The following RPSA2 variants were observed in gnomAD, a reference collection of about 807,000 sequenced individuals.
The protein encoded by RPSA2 is ribosomal protein SA 2, also known as small ribosomal subunit protein uS2B.
chr19:23,847,812 C>G, the RPSA2 span, among the ~76,000 whole-genome samples: 1 of 152,080 alleles, frequency 6.6e-6, no homozygotes, highest in Non-Finnish European at 1.5e-5. Flanking sequence ...TAGACCTCCC[C>G]CCAGGAATGC....
chr19:23,820,230 G>A, the RPSA2 span, among the ~76,000 whole-genome samples: 2 of 152,276 alleles, frequency 1.3e-5, no homozygotes, highest in Admixed American at 1.3e-4. Flanking sequence ...AATGGCTCAT[G>A]TGATGGCAGT....
the RPSA2 span, chr19:23,827,620 T>G: frequency 2.8e-4 from 452 of 1,593,498 alleles, 3 homozygotes; most frequent in East Asian, 9.3e-3. Flanking sequence ...CAGATTCTCC[T>G]CTGCGCTATG....
At chr19:23,860,979 C>G in the RPSA2 span, among the ~76,000 whole-genome samples, 1 of 151,020 alleles carries the variant, frequency 6.6e-6, no homozygotes, top group Non-Finnish European at 1.5e-5. Flanking sequence ...GAAGATCTTC[C>G]TCTCACTGTC....
chr19:23,833,606 A>G, the RPSA2 span, among the ~76,000 whole-genome samples: 5 of 152,130 alleles, frequency 3.3e-5, no homozygotes, highest in Non-Finnish European at 7.4e-5. Flanking sequence ...ATTGCACAGG[A>G]AAGCATTTAT....
the RPSA2 span, among the ~76,000 whole-genome samples, chr19:23,835,351 T>A: frequency 1.8e-4 from 21 of 118,718 alleles, no homozygotes; most frequent in African/African-American, 4.9e-4. Context: ...AGTAAGTCTG[T>A]TTGTGTGAGT....
chr19:23,856,699 A>C, the RPSA2 span, among the ~76,000 whole-genome samples: 1 of 152,250 alleles, frequency 6.6e-6, no homozygotes, highest in Non-Finnish European at 1.5e-5. Flanking sequence ...CTGAGAAATA[A>C]AGAGTACAAA....
chr19:23,840,643 A>AT, the RPSA2 span, among the ~76,000 whole-genome samples: 1 of 152,164 alleles, frequency 6.6e-6, no homozygotes, highest in Non-Finnish European at 1.5e-5. Context: ...AAGAGAGAGT[A>AT]TTTAGATACA....
chr19:23,763,546 G>C, the RPSA2 span, among the ~76,000 whole-genome samples: 6 of 152,166 alleles, frequency 3.9e-5, no homozygotes, highest in African/African-American at 1.4e-4. Flanking sequence ...CGTGTTCACG[G>C]CAACCTCCGC....
At chr19:23,869,066 C>A in the RPSA2 span, among the ~76,000 whole-genome samples, 1 of 152,180 alleles carries the variant, frequency 6.6e-6, no homozygotes, top group Non-Finnish European at 1.5e-5. Flanking sequence ...TTTTCCCTTG[C>A]AGAGTCAAAA....
At chr19:23,823,240 A>G in the RPSA2 span, among the ~76,000 whole-genome samples, 1 of 151,798 alleles carries the variant, frequency 6.6e-6, no homozygotes, top group South Asian at 2.1e-4. Flanking sequence ...GGTTTTGGTG[A>G]CTTCCCTCCC....
chr19:23,832,221 CA>C, the RPSA2 span: 4 of 438,790 alleles, frequency 9.1e-6, no homozygotes, highest in East Asian at 6.5e-5. Context: ...AGAAACTCTA[CA>C]AATGTGAAGA....
At chr19:23,800,175 C>T in the RPSA2 span, among the ~76,000 whole-genome samples, 1 of 150,438 alleles carries the variant, frequency 6.6e-6, no homozygotes, top group African/African-American at 2.4e-5. Context: ...ATTACAGGCA[C>T]ATGCCACTAT....
chr19:23,861,636 C>A, the RPSA2 span, among the ~76,000 whole-genome samples: 3 of 152,224 alleles, frequency 2.0e-5, no homozygotes, highest in Non-Finnish European at 4.4e-5. Context: ...TAAGGGCAAA[C>A]AAATCCCCGT....
the RPSA2 span, among the ~76,000 whole-genome samples, chr19:23,860,012 G>T: frequency 6.6e-6 from 1 of 152,124 alleles, no homozygotes; most frequent in Non-Finnish European, 1.5e-5. Flanking sequence ...AAGGGAAAAT[G>T]TATTCTATCA....
At chr19:23,833,924 T>C in the RPSA2 span, among the ~76,000 whole-genome samples, 1 of 152,044 alleles carries the variant, frequency 6.6e-6, no homozygotes, top group African/African-American at 2.4e-5. Flanking sequence ...GAGTTTATAT[T>C]GAAGAAAACC....
At chr19:23,774,962 T>C in the RPSA2 span, among the ~76,000 whole-genome samples, 1 of 152,174 alleles carries the variant, frequency 6.6e-6, no homozygotes, top group African/African-American at 2.4e-5. Flanking sequence ...GACATATACC[T>C]TTGTTCAGAT....
chr19:23,840,669 A>G, the RPSA2 span, among the ~76,000 whole-genome samples: 1 of 152,164 alleles, frequency 6.6e-6, no homozygotes, highest in African/African-American at 2.4e-5. Context: ...AGAAATTACA[A>G]AACATGCGCT....
chr19:23,854,821 G>A, the RPSA2 span, among the ~76,000 whole-genome samples: 1 of 152,090 alleles, frequency 6.6e-6, no homozygotes, highest in African/African-American at 2.4e-5. Context: ...TAGCTTTGTG[G>A]GTCTCTGATC....
chr19:23,792,960 G>A, the RPSA2 span, among the ~76,000 whole-genome samples: 2 of 152,142 alleles, frequency 1.3e-5, no homozygotes, highest in African/African-American at 2.4e-5. Flanking sequence ...TTACCCGGAC[G>A]TCAGTATGTT....
Sources: allele counts gnomAD v4.1 joint callset (sites outside exome capture counted in the v4.1 genomes callset), GRCh38; gene constraint gnomAD v4.1.1; transcripts MANE v1.5; gene names NCBI Gene and HGNC (gene_info 2026-07-23, HGNC 2026-07-21).